Variants in STXBP2 observed in about 807,000 individuals in gnomAD.
The protein encoded by STXBP2 is syntaxin-binding protein 2.
In STXBP2, 47 loss-of-function variants were observed where a neutral mutation model predicts 72.2. That is an observed-to-expected ratio of 0.65 (90% confidence interval 0.51 to 0.83). The LOEUF (loss-of-function observed/expected upper bound fraction) is 0.83. Ranked by LOEUF, STXBP2 falls within the 40% of genes least tolerant of loss-of-function variation. STXBP2 has a pLI of 0.00. For missense variants in STXBP2, 702 were observed against 807.6 expected (o/e 0.87, Z 1.58); for synonymous variants, 367 against 338.7 (o/e 1.08, Z -0.92).
chr19:7,647,599 T>C, intron 18 of STXBP2, 88 bp downstream of exon 18: 1 of 1,585,994 alleles, frequency 6.3e-7, no homozygotes. Context: ...GACTCCAGAG[T>C]CCTTGGAGTC....
chr19:7,633,590 C>G (rs1461898288), upstream of STXBP2: 1 of 792,086 alleles, frequency 1.3e-6, no homozygotes, highest in East Asian at 2.7e-5. Context: ...CCCATCTGCT[C>G]CCACCCAAGC....
upstream of STXBP2, among the ~76,000 whole-genome samples, chr19:7,635,754 AAAAGG>A (rs1031311354): frequency 4.1e-4 from 63 of 152,192 alleles, no homozygotes; most frequent in African/African-American, 1.4e-3. Flanking sequence ...AAAGGAAGGG[AAAAGG>A]AAAGGAAAGG....
In STXBP2 at chr19:7,647,152, C is replaced by G. The variant is rs368488488; in HGVS notation, c.1453-10C>G. On this transcript the variant is annotated splice_polypyrimidine_tract_variant and intron_variant, in intron 16 of 18. Transcript: ENST00000221283. ...GGGGTTCCTCCCCTAACCTGCCTCT[C>G]GGCCGCCAGGACGCCGTGGAGGACC... 3 of 1,611,132 alleles carry G rather than the reference C, an allele frequency of 1.9e-6. No individual in the cohort carries two copies. The highest frequency in any genetic ancestry group is 2.5e-6 in the Non-Finnish European group (3 of 1,179,902).
chr19:7,632,600 T>C (rs2031367669), upstream of STXBP2: 3 of 1,592,920 alleles, frequency 1.9e-6, no homozygotes, highest in African/African-American at 4.0e-5. The surrounding 1 kb of genome is among the most constrained non-coding windows in gnomAD (Gnocchi z 5.2). Flanking sequence ...CACAGATGCT[T>C]CAGGGTGCAC....
Position 7,637,206 on chromosome 19 carries a change from C to T in STXBP2, c.37+20C>T, listed in dbSNP as rs956808163. On this transcript the variant is annotated intron_variant, in intron 1 of 18. Transcript: ENST00000221283. The stretch of plus-strand genomic sequence containing the variant: ...GGGAAAGTGAGTGCCTCTCCGGGGC[C>T]GGGCTCTGGCGTCCGGTGTGGGACG... The T allele has an allele frequency of 3.2e-6, 4 of 1,241,270 alleles. No individual in the cohort carries two copies. The African/African-American group carries it at 4.7e-5, about 14-fold the overall frequency. The allele number at this position is 1,241,270 out of a possible 1,614,324, so 76.9% of individuals were successfully genotyped here.
At chr19:7,631,399 C>CGGGGGGGGGGG in the STXBP2 span, 2 of 583,154 alleles carry the variant, frequency 3.4e-6, no homozygotes, top group Non-Finnish European at 4.9e-6. Flanking sequence ...GAGAGGTGGG[C>CGGGGGGGGGGG]GGGGGGGGGT....
chr19:7,647,269 C>T (rs369538825), intron 17 of STXBP2, 22 bp downstream of exon 17: 49 of 1,610,460 alleles, frequency 3.0e-5, no homozygotes, highest in Admixed American at 8.3e-5. Context: ...GGGCCGCCCC[C>T]GCCCACGCCT....
chr19:7,639,571 C>T lies in STXBP2; in HGVS notation c.170-160C>T, dbSNP rs76438986. 1,740 of 706,780 alleles carry T rather than the reference C, an allele frequency of 2.5e-3. 19 individuals are homozygous for T. The East Asian group carries it at 0.025, about 10-fold the overall frequency. 43.8% of individuals were successfully genotyped at this position (706,780 alleles called of 1,614,324 possible). The stretch of plus-strand genomic sequence containing the variant: ...CTGCACAACCCCTGCAGAACCCTGT[C>T]GTGTGGCTCTTAGCTGGTGGTCCCT... On this transcript the variant is annotated intron_variant, in intron 3 of 18. Transcript: ENST00000221283.
In STXBP2 at chr19:7,641,729, A is replaced by G; in HGVS notation, c.454A>G (p.Ser152Gly). 6.4e-7 allele frequency: 1 copy of G among 1,553,970 alleles called. No individual in the cohort carries two copies. Among genetic ancestry groups the G allele is most frequent in the Non-Finnish European group, 8.7e-7 (1 of 1,149,010 alleles). ...AQVFSLDAPHSTYNLYCPFRA... is the reference protein window; with the variant it reads ...AQVFSLDAPHGTYNLYCPFRA... ...GGTGTTCTCCCTCGATGCTCCCCACAGCACCTACAACCTCTACTGCCCCTT... is the reference window on the plus strand; with the variant it reads ...GGTGTTCTCCCTCGATGCTCCCCACGGCACCTACAACCTCTACTGCCCCTT... Residue 152 changes from serine to glycine, a missense_variant, in exon 7 of 19, where the codon AGC (serine) becomes GGC (glycine). Ser to Gly is a moderately conservative substitution (Grantham distance 56, BLOSUM62 0). Transcript: ENST00000221283.
At chr19:7,639,441 C>A (rs748631336) in intron 3 of STXBP2, 34 of 573,646 alleles carry the variant, frequency 5.9e-5, no homozygotes, top group Middle Eastern at 9.4e-4. Context: ...ATGGGTGACC[C>A]CAGGTGGTGT....
chr19:7,631,586 C>T, the STXBP2 span: 2 of 1,520,440 alleles, frequency 1.3e-6, no homozygotes, highest in Non-Finnish European at 8.8e-7. Flanking sequence ...TAGCCCCTCC[C>T]CTGATGAAAT....
chr19:7,638,028 C>A (rs901237484), intron 1 of STXBP2, among the ~76,000 whole-genome samples: 3 of 152,244 alleles, frequency 2.0e-5, no homozygotes, highest in African/African-American at 4.8e-5. Flanking sequence ...ACATTTTAGA[C>A]CAGGTTGGGG....
Position 7,640,567 on chromosome 19 carries a change from C to T in STXBP2, c.247-164C>T, listed in dbSNP as rs368684086. 5.7e-4 allele frequency: 456 copies of T among 798,252 alleles called. 3 individuals carry two copies. The highest frequency in any genetic ancestry group is 4.8e-3 in the Middle Eastern group (22 of 4,554). 49.4% of individuals were successfully genotyped at this position (798,252 alleles called of 1,614,324 possible). On this transcript the variant is annotated intron_variant, in intron 4 of 18. Transcript: ENST00000221283. ...GCGTGCGTGCATCTGTGTGTGTGCG[C>T]GTGTGCCCATGTGGGTGCGACACTA...
the STXBP2 span, chr19:7,631,258 G>A: frequency 1.4e-6 from 2 of 1,414,384 alleles, no homozygotes; most frequent in Non-Finnish European, 1.8e-6. Flanking sequence ...GAGAGCAGAG[G>A]AGTAGATGGT....
At chr19:7,640,119 T>C (rs2031756034) in intron 4 of STXBP2, 1 of 583,238 alleles carries the variant, frequency 1.7e-6, no homozygotes, top group Non-Finnish European at 3.2e-6. Flanking sequence ...CATGTGTGTA[T>C]GCGTGTGTAT....
chr19:7,644,198 A>T (rs2032034585), intron 13 of STXBP2, among the ~76,000 whole-genome samples: 1 of 82,946 alleles, frequency 1.2e-5, no homozygotes, highest in Non-Finnish European at 2.2e-5. Flanking sequence ...GAGAGGTGGG[A>T]CCTGGGTGAG....
chr19:7,630,015 G>A, the STXBP2 span: 1 of 992,620 alleles, frequency 1.0e-6, no homozygotes, highest in African/African-American at 1.7e-5. Context: ...AAATCCAGGA[G>A]AGGGGACGCT....
At position 7,640,938 on chromosome 19, in the gene STXBP2, C is replaced by T. The variant is rs371725400; in HGVS notation, c.364C>T (p.Arg122Cys). The change falls in exon 6 of 19, where the codon CGT becomes TGT. Residue 122 changes from arginine (R) to cysteine (C), a missense_variant. Coordinates refer to ENST00000221283, the MANE Select transcript of STXBP2 (RefSeq NM_006949.4). ...EPLFSELGRS[R>C]LAKVVKTLKE... is the part of the protein sequence containing the mutation. ...CCTGTTCAGTGAGCTAGGCCGCTCT[C>T]GTCTGGCAAAGGTGGTGAAGACGTT... is the stretch of plus-strand genomic sequence containing the variant. The T allele has an allele frequency of 1.4e-5, 23 of 1,614,112 alleles. No individual in the cohort carries two copies. Among genetic ancestry groups the T allele is most frequent in the African/African-American group, 6.7e-5 (5 of 74,938 alleles).
chr19:7,645,439 A>G (rs2146228981), intron 15 of STXBP2, 133 bp downstream of exon 15: 1 of 876,058 alleles, frequency 1.1e-6, no homozygotes, highest in Non-Finnish European at 1.8e-6. Context: ...GGAGGCCAAA[A>G]GCAGTGTTTC....
Sources: gnomAD v4.1 joint callset for allele counts (sites outside exome capture counted in the v4.1 genomes callset) on GRCh38, gnomAD v4.1.1 for gene constraint, Gnocchi (gnomAD v3.1) non-coding constraint, MANE v1.5 for transcripts, NCBI Gene and HGNC (gene_info 2026-07-23, HGNC 2026-07-21) for gene names.